Variants in RAB43 observed in about 807,000 individuals in gnomAD.
RAB43 encodes ras-related protein Rab-43.
RAB43 carries 6 observed loss-of-function variants against 18.8 expected under a neutral mutation model. That is an observed-to-expected ratio of 0.32 (90% CI 0.17 to 0.63). The LOEUF (loss-of-function observed/expected upper bound fraction) is 0.63, where lower values mean the gene tolerates loss of function less well. Ranked by LOEUF, RAB43 falls within the 30% of genes least tolerant of loss-of-function variation. The probability of loss-of-function intolerance (pLI) is 0.79; values close to 1 mark genes in which losing one functional copy is unlikely to be tolerated. For synonymous variants in RAB43, 103 were observed against 124.1 expected, an observed-to-expected ratio of 0.83 and a Z score of 1.13; for missense variants, 195 against 289.1, an observed-to-expected ratio of 0.67 and a Z score of 2.36.
At chr3:129,116,086 T>C (rs1327646993) in intron 1 of RAB43, among the ~76,000 whole-genome samples, 1 of 152,184 alleles carries the variant, frequency 6.6e-6, no homozygotes, top group Non-Finnish European at 1.5e-5. Flanking sequence ...ATTATTGTTG[T>C]TAATTTCGTA....
chr3:129,096,667 T>C (rs890911523), intron 1 of RAB43, among the ~76,000 whole-genome samples: 14 of 152,236 alleles, frequency 9.2e-5, no homozygotes, highest in Non-Finnish European at 1.9e-4. Flanking sequence ...AAGAATAGTA[T>C]CTTTTTTGGT....
At chr3:129,104,678 C>T (rs1018205872) in intron 1 of RAB43, among the ~76,000 whole-genome samples, 9 of 152,230 alleles carry the variant, frequency 5.9e-5, no homozygotes, top group Non-Finnish European at 1.0e-4. Flanking sequence ...TCCTGCCCAT[C>T]GCTGCCTCAG....
intron 1 of RAB43, among the ~76,000 whole-genome samples, chr3:129,102,108 C>T (rs1311812597): frequency 1.3e-5 from 2 of 152,204 alleles, no homozygotes; most frequent in African/African-American, 4.8e-5. Context: ...GCTCTTCTCT[C>T]CCACCTCTCA....
intron 1 of RAB43, among the ~76,000 whole-genome samples, chr3:129,098,581 CA>C (rs1934205429): frequency 6.6e-6 from 1 of 152,028 alleles, no homozygotes; most frequent in Admixed American, 6.6e-5. Context: ...ACACTGATGC[CA>C]AAATGGCCCA....
In RAB43 at chr3:129,090,081, G is replaced by A. The variant is rs1260856428; in HGVS notation, c.*1015C>T. ...CCTTCTAACCTTGGTGCCCAGCTCA[G>A]GGTGAGGCAGTTAAGGGTCCAGGGA... On this transcript the variant is annotated 3_prime_UTR_variant, in exon 3 of 3. Transcript: ENST00000315150. 1 of 147,524 alleles carries A rather than the reference G, an allele frequency of 6.8e-6. No homozygotes were observed. The highest frequency in any genetic ancestry group is 1.5e-5 in the Non-Finnish European group (1 of 66,486). The allele number at this position is 147,524 out of a possible 1,614,324, so 9.1% of individuals were successfully genotyped here. A position where few individuals can be genotyped will look rare whatever the true frequency, so the allele number is the denominator to read the frequency against.
intron 1 of RAB43, among the ~76,000 whole-genome samples, chr3:129,117,126 G>A (rs1038772113): frequency 5.9e-5 from 9 of 152,140 alleles, no homozygotes; most frequent in Admixed American, 5.9e-4. Context: ...GGACAAACAC[G>A]GAAGGGAGAC....
At chr3:129,094,610 G>A (rs534795277) in intron 2 of RAB43, among the ~76,000 whole-genome samples, 2 of 139,200 alleles carry the variant, frequency 1.4e-5, no homozygotes, top group East Asian at 4.4e-4. Flanking sequence ...CGCCTCCCAG[G>A]TTCATGCCAT....
intron 1 of RAB43, among the ~76,000 whole-genome samples, chr3:129,096,020 G>A (rs1301068544): frequency 6.6e-6 from 1 of 152,186 alleles, no homozygotes; most frequent in Non-Finnish European, 1.5e-5. Context: ...CTTGGGGATC[G>A]GGTGTGCCTT....
rs974083774 is a variant in RAB43, at chr3:129,094,986, C to T, written c.388G>A (p.Gly130Arg). The T allele has an allele frequency of 5.0e-6, 8 of 1,610,082 alleles. No individual in the cohort carries two copies. In the Admixed American group the frequency reaches 5.0e-5, roughly 10 times the overall value. ...AGSNIVQLLI[G>R]NKSDLSELRE... is the part of the protein sequence containing the mutation. ...TGGTCCCGAGGAATCCCCAACTCAC[C>T]GATCAGCAGCTGCACAATGTTGGAG... Residue 130 changes from glycine (G) to arginine (R), a missense_variant and splice_region_variant, in exon 2 of 3, where the codon GGG (glycine) becomes AGG (arginine). By Grantham distance (125) the Gly-to-Arg change is moderately radical. Transcript: ENST00000315150.
intron 1 of RAB43, among the ~76,000 whole-genome samples, chr3:129,105,345 C>A (rs755995999): frequency 6.6e-6 from 1 of 152,080 alleles, no homozygotes; most frequent in Non-Finnish European, 1.5e-5. Flanking sequence ...CCTGGTTACT[C>A]AGGAGGCTGA....
rs1935923511 is a variant in RAB43 at position 129,121,418 on chromosome 3, C to A, written c.72G>T (p.Val24=). The change falls in exon 1 of 3, where the codon GTG becomes GTT. Residue 24 remains valine (V), a synonymous_variant. Transcript: ENST00000315150. Reference sequence around the variant, plus strand: ...ACGTCTTGCCCACGCTTGCGTCGCCCACCAGCACCAGCTTGAACAGGAAAT... The same window carrying A: ...ACGTCTTGCCCACGCTTGCGTCGCCAACCAGCACCAGCTTGAACAGGAAAT... ...QYDFLFKLVL[V]GDASVGKTCV... 2 of 1,613,296 alleles carry A rather than the reference C, an allele frequency of 1.2e-6. No individual in the cohort carries two copies. The highest frequency in any genetic ancestry group is 1.7e-6 in the Non-Finnish European group (2 of 1,179,656).
chr3:129,096,550 C>T (rs1233245804), intron 1 of RAB43, among the ~76,000 whole-genome samples: 1 of 152,166 alleles, frequency 6.6e-6, no homozygotes, highest in Non-Finnish European at 1.5e-5. Context: ...ACGAAAGACA[C>T]CGGCCAAACA....
At chr3:129,120,828 T>C (rs1935856287) in intron 1 of RAB43, among the ~76,000 whole-genome samples, 1 of 152,166 alleles carries the variant, frequency 6.6e-6, no homozygotes, top group Admixed American at 6.5e-5. Flanking sequence ...TGATCGCTCC[T>C]AGTCCTGGGG....
intron 1 of RAB43, among the ~76,000 whole-genome samples, chr3:129,114,624 T>G (rs1935404533): frequency 6.6e-6 from 1 of 152,066 alleles, no homozygotes; most frequent in African/African-American, 2.4e-5. Context: ...TAGCATGAGG[T>G]CTCAGCAAAG....
chr3:129,118,150 G>C (rs1935667892), intron 1 of RAB43, among the ~76,000 whole-genome samples: 1 of 152,176 alleles, frequency 6.6e-6, no homozygotes, highest in Non-Finnish European at 1.5e-5. Flanking sequence ...GAGATGCAAA[G>C]GTCCTGAGGC....
intron 1 of RAB43, among the ~76,000 whole-genome samples, chr3:129,116,683 A>G (rs1329462143): frequency 6.6e-6 from 1 of 152,236 alleles, no homozygotes; most frequent in Non-Finnish European, 1.5e-5. Flanking sequence ...TCCAGGCCCA[A>G]GGGCACAGAC....
At chr3:129,117,923 T>G (rs1056563614) in intron 1 of RAB43, among the ~76,000 whole-genome samples, 4 of 152,254 alleles carry the variant, frequency 2.6e-5, no homozygotes, top group African/African-American at 9.6e-5. Flanking sequence ...TGGATCCCTG[T>G]GTCTTCAAGG....
intron 2 of RAB43, 101 bp from the exon 3 acceptor site, chr3:129,091,447 C>A: frequency 7.1e-7 from 1 of 1,407,078 alleles, no homozygotes. Context: ...TCCCTTCCAC[C>A]ACTATAAATG....
chr3:129,094,505 C>CTTT (rs200896936), intron 2 of RAB43, among the ~76,000 whole-genome samples: 3,777 of 69,074 alleles, frequency 0.055, 1,217 homozygotes, highest in Non-Finnish European at 0.073. Context: ...ATATAACTTT[C>CTTT]TTTTTTTTTT....
Sources: allele counts gnomAD v4.1 joint callset (sites outside exome capture counted in the v4.1 genomes callset), GRCh38; gene constraint gnomAD v4.1.1; transcripts MANE v1.5; gene names NCBI Gene and HGNC (gene_info 2026-07-23, HGNC 2026-07-21).